FBN2: variants seen among roughly 807,000 people sequenced by gnomAD.
FBN2 encodes the protein fibrillin-2.
A neutral mutation model predicts 355.6 loss-of-function variants in FBN2; 105 were observed. The observed-to-expected ratio is 0.30, with a 90% CI of 0.25 to 0.35. The LOEUF is 0.35. Among genes scored for constraint, FBN2 ranks in the 10% least tolerant of loss-of-function variants. FBN2 has a pLI of 1.00. For synonymous variants in FBN2, 1,350 were observed against 1,301.2 expected, an observed-to-expected ratio of 1.04 and a Z score of -0.81; for missense variants, 3,280 against 3,758.7, an observed-to-expected ratio of 0.87 and a Z score of 3.33.
chr5:128,369,556 AAT>A (rs1179766864), intron 15 of FBN2, among the ~76,000 whole-genome samples: 3 of 152,224 alleles, frequency 2.0e-5, no homozygotes, highest in African/African-American at 7.2e-5. Context: ...TGTTTTCTTT[AAT>A]AAGTTTTATG....
chr5:128,335,865 C>T, intron 28 of FBN2, 123 bp downstream of exon 28: 1 of 1,036,412 alleles, frequency 9.6e-7, no homozygotes, highest in Non-Finnish European at 1.5e-6. Flanking sequence ...GAGATCTGCC[C>T]CTAGTCTTAC....
At chr5:128,442,976 T>A (rs562371026) in intron 7 of FBN2, among the ~76,000 whole-genome samples, 5 of 152,278 alleles carry the variant, frequency 3.3e-5, no homozygotes, top group South Asian at 2.1e-4. Flanking sequence ...GCCCCCAGCA[T>A]TAAAACATTT....
chr5:128,507,501 T>G (rs182155378), intron 5 of FBN2, among the ~76,000 whole-genome samples: 3 of 152,174 alleles, frequency 2.0e-5, no homozygotes, highest in African/African-American at 4.8e-5. Context: ...AAGTTCATAT[T>G]ATTTTTTGTT....
intron 23 of FBN2, among the ~76,000 whole-genome samples, chr5:128,346,936 T>A (rs1751197386): frequency 6.6e-6 from 1 of 152,186 alleles, no homozygotes; most frequent in Non-Finnish European, 1.5e-5. Context: ...GTCTTATATA[T>A]CTACATTAAC....
At chr5:128,371,760 T>C (rs983642723) in intron 15 of FBN2, among the ~76,000 whole-genome samples, 1 of 152,186 alleles carries the variant, frequency 6.6e-6, no homozygotes, top group African/African-American at 2.4e-5. Flanking sequence ...CTCAAACTGC[T>C]GACTTCAGGT....
At chr5:128,408,224 A>G (rs1752981308) in intron 8 of FBN2, among the ~76,000 whole-genome samples, 1 of 152,202 alleles carries the variant, frequency 6.6e-6, no homozygotes, top group South Asian at 2.1e-4. Context: ...TAAATAAACA[A>G]GGGAGAGCAT....
chr5:128,537,665 T>A lies in FBN2; in HGVS notation c.-62A>T. 3 of 1,528,036 alleles carry A rather than the reference T, an allele frequency of 2.0e-6. No homozygotes were observed. Among genetic ancestry groups the A allele is most frequent in the Admixed American group, 1.7e-5 (1 of 57,542 alleles). 94.7% of individuals were successfully genotyped at this position (1,528,036 alleles called of 1,614,324 possible). On this transcript the variant is annotated 5_prime_UTR_variant, in exon 1 of 65. Coordinates refer to ENST00000262464, the MANE Select transcript of FBN2 (RefSeq NM_001999.4). The stretch of plus-strand genomic sequence containing the variant: ...AGAGGGAGTGATCAAAGACAAAATC[T>A]GCGCGCCTCAGAAAAGAGTCAGGGT...
intron 18 of FBN2, among the ~76,000 whole-genome samples, chr5:128,364,031 G>A (rs918211313): frequency 2.6e-5 from 4 of 152,112 alleles, no homozygotes; most frequent in Middle Eastern, 3.2e-3. Context: ...GTCCACTCAA[G>A]TGCTTTATGG....
At chr5:128,348,681 G>GA (rs768364465) in intron 23 of FBN2, among the ~76,000 whole-genome samples, 7 of 151,176 alleles carry the variant, frequency 4.6e-5, no homozygotes, top group African/African-American at 7.3e-5. Context: ...CTTATTGGGG[G>GA]AAAAAAAATC....
intron 34 of FBN2, among the ~76,000 whole-genome samples, chr5:128,325,301 G>A (rs1750513997): frequency 6.6e-6 from 1 of 152,164 alleles, no homozygotes; most frequent in Non-Finnish European, 1.5e-5. Flanking sequence ...TGTATTGGGT[G>A]CATATATATT....
At chr5:128,317,828 C>A (rs1317880658) in intron 36 of FBN2, among the ~76,000 whole-genome samples, 2 of 152,142 alleles carry the variant, frequency 1.3e-5, no homozygotes, top group African/African-American at 2.4e-5. Flanking sequence ...GATATTCTAA[C>A]AGCTATACCA....
intron 8 of FBN2, among the ~76,000 whole-genome samples, chr5:128,404,669 T>C (rs1444467557): frequency 1.3e-5 from 2 of 152,346 alleles, no homozygotes; most frequent in East Asian, 3.9e-4. Context: ...AAGATGCCTA[T>C]TACATAAAGC....
At chr5:128,520,654 G>C (rs1010001675) in intron 4 of FBN2, among the ~76,000 whole-genome samples, 7 of 152,172 alleles carry the variant, frequency 4.6e-5, no homozygotes, top group African/African-American at 1.7e-4. Flanking sequence ...CTGTTCTGCT[G>C]ATGATGGTCA....
Position 128,309,378 on chromosome 5 carries a change from T to A in FBN2, c.5222A>T (p.Tyr1741Phe). Residue 1741 changes from tyrosine (Y) to phenylalanine (F), a missense_variant, in exon 41 of 65, where the codon TAC becomes TTC. By Grantham distance (22) the Tyr-to-Phe change is conservative. Around this residue, in one of 6 missense-constraint regions of FBN2, gnomAD observed 2,284 missense variants for 2,749.5 expected, o/e 0.83. Coordinates refer to ENST00000262464, the MANE Select transcript of FBN2 (RefSeq NM_001999.4). ...ACAAGTGGTTCCATTATAGCTTCGG[T>A]AGCAAAAGCTTTTTCTCATGTCTAT... ...NCMDMRKSFC[Y>F]RSYNGTTCEN... 6.2e-7 allele frequency: 1 copy of A among 1,613,998 alleles called. No individual in the cohort carries two copies. The highest frequency in any genetic ancestry group is 8.5e-7 in the Non-Finnish European group (1 of 1,179,878).
chr5:128,305,210 G>T, intron 44 of FBN2, 128 bp from the exon 45 acceptor site: 1 of 914,814 alleles, frequency 1.1e-6, no homozygotes, highest in Non-Finnish European at 1.7e-6. Flanking sequence ...CATAACAACA[G>T]CTGAATCAAA....
intron 4 of FBN2, among the ~76,000 whole-genome samples, chr5:128,520,988 A>G (rs1287142871): frequency 6.6e-6 from 1 of 152,216 alleles, no homozygotes; most frequent in Non-Finnish European, 1.5e-5. Flanking sequence ...AGGTGGGAAA[A>G]AACAAAACCT....
At chr5:128,303,732 A>G (rs889397901) in intron 45 of FBN2, among the ~76,000 whole-genome samples, 1 of 152,216 alleles carries the variant, frequency 6.6e-6, no homozygotes, top group Non-Finnish European at 1.5e-5. Context: ...AGCTCTGTAT[A>G]AGGGAGGTCT....
At chr5:128,509,039 G>T (rs1756041321) in intron 5 of FBN2, among the ~76,000 whole-genome samples, 1 of 151,732 alleles carries the variant, frequency 6.6e-6, no homozygotes, top group Admixed American at 6.6e-5. Context: ...TGTATCCCTG[G>T]TTTTGAGAAA....
At chr5:128,373,829 A>T (rs1462668361) in intron 15 of FBN2, among the ~76,000 whole-genome samples, 1 of 152,174 alleles carries the variant, frequency 6.6e-6, no homozygotes, top group African/African-American at 2.4e-5. Flanking sequence ...TTTGACAAAA[A>T]TAACCTAGAG....
Sources: allele counts gnomAD v4.1 joint callset (sites outside exome capture counted in the v4.1 genomes callset), GRCh38; gene constraint gnomAD v4.1.1; regional missense constraint gnomAD v4.1.1; transcripts MANE v1.5; gene names NCBI Gene and HGNC (gene_info 2026-07-23, HGNC 2026-07-21).